The following PIP5K1B variants were observed in gnomAD, a reference collection of about 807,000 sequenced individuals.
PIP5K1B encodes the protein phosphatidylinositol 4-phosphate 5-kinase type-1 beta.
In PIP5K1B, 42 loss-of-function variants were observed where a neutral mutation model predicts 67.0. The ratio of observed to expected loss-of-function variants is 0.63; its 90% CI spans 0.49 to 0.81. PIP5K1B has a LOEUF of 0.81. PIP5K1B is among the 30% of genes least tolerant of loss of function. PIP5K1B has a pLI of 0.00. For missense variants in PIP5K1B, 459 were observed against 646.3 expected (o/e 0.71, Z 3.14); for synonymous variants, 214 against 231.4 (o/e 0.92, Z 0.68).
intron 4 of PIP5K1B, among the ~76,000 whole-genome samples, chr9:68,849,272 A>T (rs751782603): frequency 2.6e-5 from 4 of 152,260 alleles, no homozygotes; most frequent in Non-Finnish European, 4.4e-5. Context: ...CAAGCTATGA[A>T]AATCTATGTA....
At chr9:68,915,100 A>G (rs1021750409) in intron 8 of PIP5K1B, among the ~76,000 whole-genome samples, 33 of 152,118 alleles carry the variant, frequency 2.2e-4, no homozygotes, top group African/African-American at 7.7e-4. Context: ...TTTTACAAGC[A>G]CCCTATATGA....
In PIP5K1B at chr9:68,991,263, T is replaced by A. The variant is rs1830353340; in HGVS notation, c.1620+6T>A. 6.6e-7 allele frequency: 1 copy of A among 1,520,844 alleles called. No homozygotes were observed. Among genetic ancestry groups the A allele is most frequent in the Non-Finnish European group, 9.1e-7 (1 of 1,094,930 alleles). 94.2% of individuals were successfully genotyped at this position (1,520,844 alleles called of 1,614,324 possible). A position where few individuals can be genotyped will look rare whatever the true frequency, so the allele number is the denominator to read the frequency against. On this transcript the variant is annotated splice_donor_region_variant and intron_variant, in intron 15 of 15. Coordinates refer to ENST00000265382, the MANE Select transcript of PIP5K1B (RefSeq NM_003558.4). ...CTGTGCTTGACGTCTATTTAGTAAG[T>A]AATTTTTTAGTTTCCTCTCCTCCAC... is the stretch of plus-strand genomic sequence containing the variant.
chr9:68,883,434 G>A (rs916577085), intron 6 of PIP5K1B, among the ~76,000 whole-genome samples: 1 of 152,212 alleles, frequency 6.6e-6, no homozygotes, highest in Non-Finnish European at 1.5e-5. Flanking sequence ...GGAAGTGGAC[G>A]ATCAAAGTTG....
At chr9:68,797,047 A>G (rs1832331806) in intron 2 of PIP5K1B, among the ~76,000 whole-genome samples, 1 of 152,210 alleles carries the variant, frequency 6.6e-6, no homozygotes, top group Admixed American at 6.5e-5. Flanking sequence ...AAGGAGTAAA[A>G]GAGATGAGTT....
At chr9:68,818,043 A>G (rs1048132297) in intron 2 of PIP5K1B, among the ~76,000 whole-genome samples, 2 of 152,336 alleles carry the variant, frequency 1.3e-5, no homozygotes, top group East Asian at 1.9e-4. Flanking sequence ...AAAATTGTCC[A>G]CATGTCACAT....
At chr9:68,884,872 CATACAA>C (rs774389090) in intron 6 of PIP5K1B, among the ~76,000 whole-genome samples, 1 of 152,112 alleles carries the variant, frequency 6.6e-6, no homozygotes, top group Non-Finnish European at 1.5e-5. Context: ...AATGTAAATT[CATACAA>C]CCATTTTGGA....
chr9:68,820,751 A>G (rs896174273), intron 3 of PIP5K1B, among the ~76,000 whole-genome samples: 1 of 152,232 alleles, frequency 6.6e-6, no homozygotes, highest in Non-Finnish European at 1.5e-5. Context: ...CTAATTATGA[A>G]GTTATCCTTG....
intron 2 of PIP5K1B, among the ~76,000 whole-genome samples, chr9:68,816,845 G>A (rs1482601007): frequency 6.6e-6 from 1 of 152,146 alleles, no homozygotes; most frequent in Non-Finnish European, 1.5e-5. Context: ...CATCAGGTTA[G>A]GGGGAGCTCT....
chr9:68,798,358 A>G (rs1832408536), intron 2 of PIP5K1B, among the ~76,000 whole-genome samples: 2 of 152,218 alleles, frequency 1.3e-5, no homozygotes, highest in African/African-American at 4.8e-5. Flanking sequence ...CTAGTTCCTA[A>G]TAGACATGTT....
chr9:68,805,053 T>C (rs941603603), intron 2 of PIP5K1B, among the ~76,000 whole-genome samples: 2 of 152,190 alleles, frequency 1.3e-5, no homozygotes, highest in Non-Finnish European at 2.9e-5. Flanking sequence ...ATTGCATTCT[T>C]CAAGGAAGTC....
intron 8 of PIP5K1B, among the ~76,000 whole-genome samples, chr9:68,902,685 A>G (rs779314141): frequency 3.3e-5 from 5 of 152,228 alleles, no homozygotes; most frequent in African/African-American, 4.8e-5. Flanking sequence ...AGAAACTGCC[A>G]TACTCTTTTC....
intron 1 of PIP5K1B, 147 bp downstream of exon 1, chr9:68,705,909 G>A (rs1352727143): frequency 6.6e-6 from 1 of 152,072 alleles, no homozygotes; most frequent in African/African-American, 2.4e-5. Flanking sequence ...GACGTGGAGA[G>A]GGCGCCCGTG....
intron 2 of PIP5K1B, among the ~76,000 whole-genome samples, chr9:68,758,573 C>T (rs545162967): frequency 4.0e-5 from 6 of 151,776 alleles, no homozygotes; most frequent in South Asian, 4.2e-4. Context: ...CGAACAACAA[C>T]GAGAAAAAGG....
intron 2 of PIP5K1B, among the ~76,000 whole-genome samples, chr9:68,777,270 TACTC>T (rs1310086926): frequency 6.6e-6 from 1 of 152,208 alleles, no homozygotes; most frequent in Non-Finnish European, 1.5e-5. Flanking sequence ...AACAAGTACT[TACTC>T]AGTACAATGT....
In PIP5K1B at chr9:68,850,820, G is replaced by C. The variant is rs967578138; in HGVS notation, c.70-13017G>C. On this transcript the variant is annotated intron_variant, in intron 4 of 15. Coordinates refer to ENST00000265382, the MANE Select transcript of PIP5K1B (RefSeq NM_003558.4). ...ATAACAATTTTTATTTGAATACACA[G>C]ACAAATGAAATATTCTTCCCTAGTG... Among the ~76,000 whole-genome samples, 3 of 152,168 alleles carry C rather than the reference G, an allele frequency of 2.0e-5. 1 individual carries two copies. Among genetic ancestry groups the C allele is most frequent in the African/African-American group, 7.2e-5 (3 of 41,506 alleles).
chr9:68,804,125 G>A lies in PIP5K1B; in HGVS notation c.-85-14336G>A, dbSNP rs113074649. ...AGTTGACTTTGAGCATAAAGGGAGT[G>A]GGATGATGCCGCAGCCAGGAGGGAG... On this transcript the variant is annotated intron_variant, in intron 2 of 15. Transcript: ENST00000265382. Among the ~76,000 whole-genome samples, 606 of 152,256 alleles carry A rather than the reference G, an allele frequency of 4.0e-3. 3 individuals are homozygous for A. The highest frequency in any genetic ancestry group is 0.013 in the African/African-American group (557 of 41,540).
At chr9:68,865,536 C>T (rs1823314079) in intron 5 of PIP5K1B, among the ~76,000 whole-genome samples, 2 of 152,132 alleles carry the variant, frequency 1.3e-5, no homozygotes. Context: ...AGTGTGGAGA[C>T]AGTGAGCTCA....
At chr9:68,707,449 A>G (rs1232970621) in intron 1 of PIP5K1B, among the ~76,000 whole-genome samples, 1 of 152,212 alleles carries the variant, frequency 6.6e-6, no homozygotes. Flanking sequence ...TTATCAAGGT[A>G]ACAAGTGCTG....
intron 5 of PIP5K1B, among the ~76,000 whole-genome samples, chr9:68,869,223 CAAGT>C (rs1461181378): frequency 6.6e-6 from 1 of 152,164 alleles, no homozygotes; most frequent in Non-Finnish European, 1.5e-5. Flanking sequence ...AGAGGGCAAG[CAAGT>C]ATTACAAGGG....
Sources: gnomAD v4.1 joint callset for allele counts (sites outside exome capture counted in the v4.1 genomes callset) on GRCh38, gnomAD v4.1.1 for gene constraint, MANE v1.5 for transcripts, NCBI Gene and HGNC (gene_info 2026-07-23, HGNC 2026-07-21) for gene names.